The following ADCY7 variants were observed in gnomAD, a reference collection of about 807,000 sequenced individuals.
ADCY7 encodes the protein adenylate cyclase type 7.
In ADCY7, 72 loss-of-function variants were observed where a neutral mutation model predicts 120.6. The observed-to-expected ratio is 0.60, with a 90% CI of 0.49 to 0.73. The LOEUF (loss-of-function observed/expected upper bound fraction) is 0.73. Ranked by LOEUF, ADCY7 falls within the 30% of genes least tolerant of loss-of-function variation. The probability of loss-of-function intolerance (pLI) is 0.00; values close to 1 mark genes in which losing one functional copy is unlikely to be tolerated. For missense variants in ADCY7, 1,227 were observed against 1,486.0 expected (o/e 0.83, Z 2.87); for synonymous variants, 661 against 628.0 (o/e 1.05, Z -0.78).
At position 50,304,916 on chromosome 16, in the gene ADCY7, C is replaced by A. The variant is rs971170277; in HGVS notation, c.1561-9C>A. ...GAATGACTGTATCCTTTCCTCCCTTCCCTTTCAGAGCGTTCCCCAGCGCCA... is the reference window on the plus strand; with the variant it reads ...GAATGACTGTATCCTTTCCTCCCTTACCTTTCAGAGCGTTCCCCAGCGCCA... On this transcript the variant is annotated splice_polypyrimidine_tract_variant and intron_variant, in intron 11 of 25. Coordinates refer to ENST00000673801, the MANE Select transcript of ADCY7 (RefSeq NM_001114.5). The A allele has an allele frequency of 1.2e-6, 2 of 1,613,606 alleles. No individual in the cohort carries two copies. Among genetic ancestry groups the A allele is most frequent in the African/African-American group, 2.7e-5 (2 of 74,950 alleles).
At position 50,317,901 on chromosome 16, in the gene ADCY7, C is replaced by CAAACA. The variant is rs1229024830; in HGVS notation, c.*2399_*2403dup. The CAAACA allele has an allele frequency of 6.6e-6, 1 of 150,536 alleles. No individual in the cohort carries two copies. Among genetic ancestry groups the CAAACA allele is most frequent in the African/African-American group, 2.4e-5 (1 of 41,050 alleles). 9.3% of individuals were successfully genotyped at this position (150,536 alleles called of 1,614,324 possible). The stretch of plus-strand genomic sequence containing the variant: ...CTTATTGAGGAAATTTCCTAACAAA[C>CAAACA]AAACAAACAAACAAACAGAAGAGAA... On this transcript the variant is annotated 3_prime_UTR_variant, in exon 26 of 26. Transcript: ENST00000673801.
intron 1 of ADCY7, among the ~76,000 whole-genome samples, chr16:50,257,178 A>G (rs2032939735): frequency 6.6e-6 from 1 of 152,160 alleles, no homozygotes; most frequent in South Asian, 2.1e-4. Context: ...CTAGGAGTTC[A>G]AAACGCATGG....
chr16:50,285,906 T>G (rs1272191562), intron 1 of ADCY7, among the ~76,000 whole-genome samples: 2 of 152,012 alleles, frequency 1.3e-5, no homozygotes, highest in Non-Finnish European at 2.9e-5. Flanking sequence ...CAAGCCTTTT[T>G]GGAATCAATG....
upstream of ADCY7, among the ~76,000 whole-genome samples, chr16:50,265,766 G>A (rs1596808701): frequency 2.0e-5 from 3 of 152,216 alleles, no homozygotes; most frequent in South Asian, 6.2e-4. Context: ...GCTCAGAAGG[G>A]CTCCCTGAGG....
intron 10 of ADCY7, among the ~76,000 whole-genome samples, chr16:50,302,811 T>A (rs769372888): frequency 9.9e-4 from 151 of 152,188 alleles, no homozygotes; most frequent in Non-Finnish European, 1.9e-3. Context: ...CACCCTGCAT[T>A]TTTCCTACCT....
chr16:50,310,541 CTCAT>C (rs747124447), intron 18 of ADCY7, 142 bp from the exon 19 acceptor site: 1 of 1,546,886 alleles, frequency 6.5e-7, no homozygotes, highest in Non-Finnish European at 8.7e-7. Flanking sequence ...ACTCTTAGGT[CTCAT>C]TGTTTTTTGT....
chr16:50,290,309 G>T, intron 2 of ADCY7, 148 bp from the exon 3 acceptor site: 1 of 814,500 alleles, frequency 1.2e-6, no homozygotes, highest in Admixed American at 2.6e-5. Context: ...AGGCCAGAAG[G>T]TGAGTGGGAA....
At chr16:50,311,851 ATGGGG>A (rs1325825181) in intron 20 of ADCY7, 65 bp downstream of exon 20, 13 of 1,153,844 alleles carry the variant, frequency 1.1e-5, no homozygotes, top group East Asian at 5.8e-5. Context: ...CCATCTGGAG[ATGGGG>A]TGGGGTGGGG....
intron 1 of ADCY7, among the ~76,000 whole-genome samples, chr16:50,287,133 A>T (rs1596886256): frequency 6.6e-6 from 1 of 151,654 alleles, no homozygotes; most frequent in Non-Finnish European, 1.5e-5. Flanking sequence ...CTCCTGCCTC[A>T]GCTTCCCGAG....
rs566540073 is a variant in ADCY7 at position 50,277,190 on chromosome 16, T to A, written c.-269+10510T>A. On this transcript the variant is annotated intron_variant, in intron 1 of 25. Transcript: ENST00000673801. Reference sequence around the variant, plus strand: ...TTCCATTGTAAGGTTGTATCATAATTTATTTCACCAGTTCGTGACTGATAG... The same window carrying A: ...TTCCATTGTAAGGTTGTATCATAATATATTTCACCAGTTCGTGACTGATAG... 2.6e-5 allele frequency among the ~76,000 whole-genome samples: 4 copies of A among 152,356 alleles called. No homozygotes were observed. In the South Asian group the frequency reaches 6.2e-4, roughly 24 times the overall value.
intron 1 of ADCY7, chr16:50,279,471 A>G (rs1233240440): frequency 2.0e-5 from 3 of 152,262 alleles, no homozygotes; most frequent in Non-Finnish European, 2.9e-5. Context: ...ATTTCAAGCA[A>G]GAGTGAGGAA....
chr16:50,301,594 A>C (rs779844906), intron 10 of ADCY7: 12 of 211,054 alleles, frequency 5.7e-5, no homozygotes, highest in Non-Finnish European at 9.6e-5. Flanking sequence ...GCTTTGGATG[A>C]AACTCAGGAA....
At chr16:50,300,614 C>T in intron 8 of ADCY7, 101 bp from the exon 9 acceptor site, 6 of 1,401,740 alleles carry the variant, frequency 4.3e-6, no homozygotes, top group Non-Finnish European at 5.8e-6. Flanking sequence ...TGAGCGCCTG[C>T]CCTGTTCCCA....
intron 1 of ADCY7, among the ~76,000 whole-genome samples, chr16:50,284,043 C>T (rs554319417): frequency 3.3e-5 from 5 of 152,226 alleles, no homozygotes; most frequent in East Asian, 1.9e-4. Context: ...CCAACTGAGT[C>T]GAGGGCTGGT....
At chr16:50,251,959 G>A (rs549721099) in intron 1 of ADCY7, among the ~76,000 whole-genome samples, 6 of 152,312 alleles carry the variant, frequency 3.9e-5, no homozygotes, top group African/African-American at 1.2e-4. Flanking sequence ...GGCTTCAGGC[G>A]AGGAGGAAGA....
Position 50,312,965 on chromosome 16 carries a change from G to A in ADCY7, c.2680G>A (p.Glu894Lys). ...SVPDFKVFYT[E>K]CDVNKEGLEC... The stretch of plus-strand genomic sequence containing the variant: ...GCCGGACTTCAAAGTGTTCTACACA[G>A]AGTGCGATGTCAACAAAGAAGGGCT... Residue 894 changes from glutamate (E) to lysine (K), a missense_variant, in exon 22 of 26, where the codon GAG becomes AAG. Glu to Lys is a moderately conservative substitution (Grantham distance 56). Transcript: ENST00000673801. 1 of 1,614,246 alleles carries A rather than the reference G, an allele frequency of 6.2e-7. No homozygotes were observed. The highest frequency in any genetic ancestry group is 8.5e-7 in the Non-Finnish European group (1 of 1,180,040).
In ADCY7 at chr16:50,267,656, AC is replaced by A. The variant is rs561216231; in HGVS notation, c.-269+977del. Among the ~76,000 whole-genome samples, 1,140 of 152,344 alleles carry A rather than the reference AC, an allele frequency of 7.5e-3. 9 individuals are homozygous for A. The highest frequency in any genetic ancestry group is 0.065 in the Middle Eastern group (19 of 294). On this transcript the variant is annotated intron_variant, in intron 1 of 25. Coordinates refer to ENST00000673801, the MANE Select transcript of ADCY7 (RefSeq NM_001114.5). ...TGAGGACCGGGCTGCCCAGGGAATC[AC>A]AGGGGGTTCTAGCCTGTGTGTGGAA...
At chr16:50,310,550 TTTTG>T in intron 18 of ADCY7, 133 bp from the exon 19 acceptor site, 1 of 1,551,348 alleles carries the variant, frequency 6.4e-7, no homozygotes, top group Non-Finnish European at 8.7e-7. Flanking sequence ...TCTCATTGTT[TTTTG>T]TTGAGAAGGG....
chr16:50,305,487 G>T lies in ADCY7; in HGVS notation c.1596-16G>T. ...GTGGTCGCTGTGCTGATGCAGTTGT[G>T]GGTATCTGATTCCAGAAGCATGTCC... is the stretch of plus-strand genomic sequence containing the variant. On this transcript the variant is annotated splice_polypyrimidine_tract_variant and intron_variant, in intron 12 of 25. Transcript: ENST00000673801. The T allele has an allele frequency of 6.2e-7, 1 of 1,611,668 alleles. No homozygotes were observed. The highest frequency in any genetic ancestry group is 8.5e-7 in the Non-Finnish European group (1 of 1,178,292).
Sources: gnomAD v4.1 joint callset for allele counts (sites outside exome capture counted in the v4.1 genomes callset) on GRCh38, gnomAD v4.1.1 for gene constraint, MANE v1.5 for transcripts, NCBI Gene and HGNC (gene_info 2026-07-23, HGNC 2026-07-21) for gene names.